EPHA6: variants seen among roughly 807,000 people sequenced by gnomAD.
EPHA6 encodes EPH receptor A6.
EPHA6 carries 50 observed loss-of-function variants against 112.0 expected under a neutral mutation model. The ratio of observed to expected loss-of-function variants is 0.45; its 90% confidence interval spans 0.36 to 0.56. EPHA6 has a LOEUF of 0.56. Among genes scored for constraint, EPHA6 ranks in the 20% least tolerant of loss-of-function variants. The pLI is 0.00. For synonymous variants in EPHA6, 529 were observed against 490.7 expected (o/e 1.08, Z -1.03); for missense variants, 1,280 against 1,417.4 (o/e 0.90, Z 1.56).
chr3:97,066,260 A>G (rs2046176114), intron 3 of EPHA6, among the ~76,000 whole-genome samples: 2 of 152,102 alleles, frequency 1.3e-5, no homozygotes, highest in African/African-American at 4.8e-5. Context: ...AGGAACTTCT[A>G]TGCCTATTTT....
intron 11 of EPHA6, among the ~76,000 whole-genome samples, chr3:97,539,106 T>TCC (rs1454226907): frequency 2.7e-4 from 37 of 137,598 alleles, no homozygotes; most frequent in African/African-American, 9.6e-4. Flanking sequence ...CTTCCTTCCT[T>TCC]TCTTTCTTTC....
At chr3:97,131,966 G>A (rs1439579831) in intron 3 of EPHA6, among the ~76,000 whole-genome samples, 1 of 152,040 alleles carries the variant, frequency 6.6e-6, no homozygotes, top group African/African-American at 2.4e-5. Context: ...CACTAAGGAT[G>A]AAGAAAACAG....
intron 2 of EPHA6, among the ~76,000 whole-genome samples, chr3:96,868,193 A>AGTGT (rs35241894): frequency 0.071 from 10,510 of 148,044 alleles, 712 homozygotes; most frequent in Admixed American, 0.21. Flanking sequence ...AGAGAGACAG[A>AGTGT]GTGTGTGTGT....
chr3:97,354,042 T>C lies in EPHA6; in HGVS notation c.1607-51108T>C, dbSNP rs1285565500. On this transcript the variant is annotated intron_variant, in intron 5 of 17. Coordinates refer to ENST00000389672, the MANE Select transcript of EPHA6 (RefSeq NM_001080448.3). Reference sequence around the variant, plus strand: ...CAAGACCAACAACACAATGCCTCTATGAACCTGTAAGAGTCACAGCATTAC... The same window carrying C: ...CAAGACCAACAACACAATGCCTCTACGAACCTGTAAGAGTCACAGCATTAC... 2.6e-5 allele frequency among the ~76,000 whole-genome samples: 4 copies of C among 152,340 alleles called. No homozygotes were observed. In the East Asian group the frequency reaches 5.8e-4, roughly 22 times the overall value.
At chr3:97,230,887 G>C (rs1212764698) in intron 4 of EPHA6, among the ~76,000 whole-genome samples, 1 of 152,138 alleles carries the variant, frequency 6.6e-6, no homozygotes, top group African/African-American at 2.4e-5. Flanking sequence ...ATGGATAAGA[G>C]TTTCTAGTGA....
chr3:97,192,737 T>C (rs2077341484), intron 3 of EPHA6, among the ~76,000 whole-genome samples: 1 of 152,188 alleles, frequency 6.6e-6, no homozygotes, highest in African/African-American at 2.4e-5. Flanking sequence ...TGTTTTCTTT[T>C]AGTAGCTTCA....
chr3:97,374,041 AT>A (rs2085213014), intron 5 of EPHA6, among the ~76,000 whole-genome samples: 1 of 152,170 alleles, frequency 6.6e-6, no homozygotes, highest in East Asian at 1.9e-4. Context: ...CTCCAATTTT[AT>A]TTTTCTTAGG....
At chr3:97,710,436 G>A (rs1384713755) in intron 14 of EPHA6, among the ~76,000 whole-genome samples, 2 of 152,196 alleles carry the variant, frequency 1.3e-5, no homozygotes, top group African/African-American at 4.8e-5. Context: ...TCCAAGCACT[G>A]TGGATCTGTC....
intron 3 of EPHA6, among the ~76,000 whole-genome samples, chr3:97,168,659 G>A (rs1398294521): frequency 4.0e-5 from 6 of 151,332 alleles, no homozygotes. Flanking sequence ...AGATGTGCTT[G>A]CTTCTCCTTT....
intron 2 of EPHA6, among the ~76,000 whole-genome samples, chr3:96,967,682 T>TTGTG (rs149291564): frequency 1.7e-4 from 25 of 149,274 alleles, no homozygotes; most frequent in African/African-American, 4.2e-4. Context: ...TGAGTAACAG[T>TTGTG]TGTGTGTGTG....
chr3:96,869,348 G>C (rs2036506731), intron 2 of EPHA6, among the ~76,000 whole-genome samples: 1 of 148,774 alleles, frequency 6.7e-6, no homozygotes, highest in Admixed American at 6.7e-5. Flanking sequence ...GGAAAATTGG[G>C]AATAAGAAGT....
chr3:96,982,501 T>C (rs1278825176), intron 2 of EPHA6, among the ~76,000 whole-genome samples: 1 of 151,764 alleles, frequency 6.6e-6, no homozygotes, highest in Non-Finnish European at 1.5e-5. Flanking sequence ...GGAATAAGTG[T>C]GATGTGGTGC....
chr3:97,652,222 G>A (rs2094112016), intron 14 of EPHA6, among the ~76,000 whole-genome samples: 1 of 152,040 alleles, frequency 6.6e-6, no homozygotes, highest in Admixed American at 6.6e-5. Flanking sequence ...AGCTAAGAAG[G>A]AAAACATGAT....
At chr3:97,382,555 G>A (rs992914045) in intron 5 of EPHA6, among the ~76,000 whole-genome samples, 2 of 151,904 alleles carry the variant, frequency 1.3e-5, no homozygotes, top group Admixed American at 1.3e-4. Flanking sequence ...CCCTGACTTC[G>A]GTATACCCAG....
intron 3 of EPHA6, among the ~76,000 whole-genome samples, chr3:97,075,809 G>C (rs1469167301): frequency 6.6e-6 from 1 of 151,666 alleles, no homozygotes; most frequent in East Asian, 1.9e-4. Context: ...AATTCTTGTA[G>C]TGTTTAAAAA....
chr3:97,021,161 A>G (rs1381183791), intron 3 of EPHA6, among the ~76,000 whole-genome samples: 1 of 152,230 alleles, frequency 6.6e-6, no homozygotes, highest in Non-Finnish European at 1.5e-5. Context: ...CTTGATCACT[A>G]TTAATTTCAT....
chr3:97,451,744 G>A (rs11928548), intron 7 of EPHA6, among the ~76,000 whole-genome samples: 21 of 151,704 alleles, frequency 1.4e-4, no homozygotes, highest in African/African-American at 5.1e-4. Context: ...CCCAATTGAC[G>A]GCATCCATCT....
At chr3:97,688,465 G>A (rs2032412440) in intron 14 of EPHA6, among the ~76,000 whole-genome samples, 1 of 151,034 alleles carries the variant, frequency 6.6e-6, no homozygotes, top group African/African-American at 2.4e-5. Context: ...ATCATTCTAA[G>A]CAAACTATCG....
chr3:96,867,557 G>C (rs530978438), intron 2 of EPHA6, among the ~76,000 whole-genome samples: 23 of 151,662 alleles, frequency 1.5e-4, no homozygotes, highest in African/African-American at 4.1e-4. Context: ...AAAATAAAAG[G>C]GTGGTTTCTA....
Sources: gnomAD v4.1 joint callset for allele counts (sites outside exome capture counted in the v4.1 genomes callset) on GRCh38, gnomAD v4.1.1 for gene constraint, MANE v1.5 for transcripts, NCBI Gene and HGNC (gene_info 2026-07-23, HGNC 2026-07-21) for gene names.